The following STARD13 variants were observed in gnomAD, a reference collection of about 807,000 sequenced individuals.
STARD13 encodes StAR related lipid transfer domain containing 13.
STARD13 carries 62 observed loss-of-function variants against 106.4 expected under a neutral mutation model. The observed-to-expected ratio is 0.58, with a 90% CI of 0.48 to 0.72. The LOEUF is 0.72. Among genes scored for constraint, STARD13 ranks in the 30% least tolerant of loss-of-function variants. The pLI, the probability that STARD13 is intolerant of heterozygous loss-of-function variation, is 0.00. For missense variants in STARD13, 1,387 were observed against 1,424.0 expected (o/e 0.97, Z 0.42); for synonymous variants, 565 against 553.0 (o/e 1.02, Z -0.31).
At chr13:33,194,750 GA>G (rs1305589632) in intron 1 of STARD13, among the ~76,000 whole-genome samples, 4 of 152,180 alleles carry the variant, frequency 2.6e-5, no homozygotes, top group Non-Finnish European at 5.9e-5. Flanking sequence ...TGGAGAAAGT[GA>G]AAATGGATTT....
chr13:33,628,710 G>A, the STARD13 span, among the ~76,000 whole-genome samples: 2 of 152,274 alleles, frequency 1.3e-5, no homozygotes, highest in Middle Eastern at 3.4e-3. Context: ...AATGACTGAC[G>A]TGGCTGAGCA....
At chr13:33,422,089 T>A in the STARD13 span, among the ~76,000 whole-genome samples, 6 of 152,170 alleles carry the variant, frequency 3.9e-5, no homozygotes, top group Non-Finnish European at 5.9e-5. Context: ...TTAAAAGTTC[T>A]GGCCAGGGCA....
chr13:33,464,020 A>AAAACAT, the STARD13 span, among the ~76,000 whole-genome samples: 2 of 78,136 alleles, frequency 2.6e-5, no homozygotes, highest in African/African-American at 3.5e-5. Context: ...TCAAAAAAAA[A>AAAACAT]ATACATATAT....
chr13:33,198,934 C>A (rs1473122025), intron 1 of STARD13, among the ~76,000 whole-genome samples: 3 of 152,120 alleles, frequency 2.0e-5, no homozygotes, highest in African/African-American at 7.2e-5. Context: ...CATCTAAAAC[C>A]CTTAAAAAGT....
the STARD13 span, among the ~76,000 whole-genome samples, chr13:33,584,869 T>C: frequency 6.6e-6 from 1 of 151,986 alleles, no homozygotes; most frequent in South Asian, 2.1e-4. Flanking sequence ...AAGTGTGTGG[T>C]ACCCTCTCTC....
chr13:33,208,604 G>T (rs1364706911), intron 1 of STARD13, among the ~76,000 whole-genome samples: 1 of 152,162 alleles, frequency 6.6e-6, no homozygotes, highest in East Asian at 1.9e-4. Flanking sequence ...CAGTCTGAGC[G>T]GTGAGAGCTA....
the STARD13 span, among the ~76,000 whole-genome samples, chr13:33,645,546 T>A: frequency 6.6e-6 from 1 of 152,336 alleles, no homozygotes; most frequent in East Asian, 1.9e-4. Flanking sequence ...AAGCAGGTGC[T>A]CTTTTAACTA....
chr13:33,674,182 A>G, the STARD13 span, among the ~76,000 whole-genome samples: 1 of 152,136 alleles, frequency 6.6e-6, no homozygotes. Flanking sequence ...TTTAAATATC[A>G]TATTCCTCAC....
At chr13:33,562,995 G>A in the STARD13 span, among the ~76,000 whole-genome samples, 1 of 146,212 alleles carries the variant, frequency 6.8e-6, no homozygotes, top group African/African-American at 2.6e-5. Context: ...TGTTGCTTTT[G>A]GCCACAAATG....
intron 1 of STARD13, among the ~76,000 whole-genome samples, chr13:33,232,267 C>T (rs1024601677): frequency 2.0e-5 from 3 of 152,162 alleles, no homozygotes; most frequent in Non-Finnish European, 2.9e-5. Context: ...GAGCCGAGAT[C>T]ACGCCACTGC....
chr13:33,268,995 G>A (rs903104728), intron 1 of STARD13, among the ~76,000 whole-genome samples: 5 of 152,130 alleles, frequency 3.3e-5, no homozygotes, highest in African/African-American at 1.2e-4. Context: ...AGTTTTTGTT[G>A]GAGCAAAAAG....
the STARD13 span, among the ~76,000 whole-genome samples, chr13:33,650,392 G>A: frequency 6.6e-6 from 1 of 150,460 alleles, no homozygotes; most frequent in Non-Finnish European, 1.5e-5. Context: ...GGGTTTCACC[G>A]TTTTAGCCGG....
the STARD13 span, among the ~76,000 whole-genome samples, chr13:33,451,220 GAA>G: frequency 6.6e-6 from 1 of 152,198 alleles, no homozygotes; most frequent in African/African-American, 2.4e-5. Context: ...GTCAGTTATA[GAA>G]AAGAGTGGAA....
At chr13:33,216,879 T>A (rs375588440) in intron 1 of STARD13, among the ~76,000 whole-genome samples, 1 of 151,890 alleles carries the variant, frequency 6.6e-6, no homozygotes, top group South Asian at 2.1e-4. Context: ...CAACCTGGAG[T>A]TTCACTTCTT....
chr13:33,514,384 G>A, the STARD13 span, among the ~76,000 whole-genome samples: 5 of 152,234 alleles, frequency 3.3e-5, no homozygotes, highest in African/African-American at 4.8e-5. Context: ...ATAACTCATC[G>A]AAAGGAAGGA....
intron 12 of STARD13, among the ~76,000 whole-genome samples, chr13:33,108,621 T>C (rs1031370769): frequency 6.6e-6 from 1 of 152,190 alleles, no homozygotes; most frequent in Non-Finnish European, 1.5e-5. Flanking sequence ...CCAGAGCCTA[T>C]TGCAGTGCCT....
chr13:33,187,316 C>G (rs1885863668), intron 1 of STARD13, among the ~76,000 whole-genome samples: 1 of 152,202 alleles, frequency 6.6e-6, no homozygotes, highest in Non-Finnish European at 1.5e-5. Context: ...ATAATCATTG[C>G]TGTCACAGTC....
upstream of STARD13, among the ~76,000 whole-genome samples, chr13:33,354,425 G>A (rs2078107442): frequency 6.6e-6 from 1 of 152,114 alleles, no homozygotes; most frequent in Non-Finnish European, 1.5e-5. Context: ...CTCTTCCATT[G>A]TGTTTCTTCC....
chr13:33,450,342 G>T, the STARD13 span, among the ~76,000 whole-genome samples: 1 of 152,044 alleles, frequency 6.6e-6, no homozygotes, highest in East Asian at 1.9e-4. Context: ...TATGATTTTT[G>T]TCCTTCATTC....
Sources: gnomAD v4.1 joint callset for allele counts (sites outside exome capture counted in the v4.1 genomes callset) on GRCh38, gnomAD v4.1.1 for gene constraint, MANE v1.5 for transcripts, NCBI Gene and HGNC (gene_info 2026-07-23, HGNC 2026-07-21) for gene names.